The following CTBP2 variants were observed in gnomAD, a reference collection of about 807,000 sequenced individuals.
The protein encoded by CTBP2 is C-terminal-binding protein 2.
Under a neutral mutation model 80.3 loss-of-function variants are expected in CTBP2, and 30 were observed. The ratio of observed to expected loss-of-function variants is 0.37; its 90% CI spans 0.28 to 0.51. The LOEUF (loss-of-function observed/expected upper bound fraction) is 0.51. Among genes scored for constraint, CTBP2 ranks in the 20% least tolerant of loss-of-function variants. The pLI, the probability that CTBP2 is intolerant of heterozygous loss-of-function variation, is 0.93. For missense variants in CTBP2, 1,212 were observed against 1,375.3 expected, an observed-to-expected ratio of 0.88 and a Z score of 1.88; for synonymous variants, 594 against 587.4, an observed-to-expected ratio of 1.01 and a Z score of -0.16.
intron 2 of CTBP2, among the ~76,000 whole-genome samples, chr10:125,063,703 T>A (rs892522291): frequency 6.6e-6 from 1 of 152,246 alleles, no homozygotes; most frequent in Non-Finnish European, 1.5e-5. Context: ...GTTATTGCTG[T>A]GTTTTCTCTC....
chr10:125,041,625 G>A (rs1029628689), intron 2 of CTBP2, among the ~76,000 whole-genome samples: 10 of 151,014 alleles, frequency 6.6e-5, no homozygotes, highest in African/African-American at 2.2e-4. Flanking sequence ...GCCCCTCCTT[G>A]ACTCTGTTGT....
intron 1 of CTBP2, among the ~76,000 whole-genome samples, chr10:125,115,895 C>G (rs1853176543): frequency 6.6e-6 from 1 of 152,202 alleles, no homozygotes; most frequent in African/African-American, 2.4e-5. Context: ...GGCATGGTAG[C>G]AGGTCAGAGT....
At chr10:125,136,239 AG>A (rs1222780544) in intron 1 of CTBP2, among the ~76,000 whole-genome samples, 2 of 152,166 alleles carry the variant, frequency 1.3e-5, no homozygotes, top group East Asian at 1.9e-4. Context: ...AGGGAGGCCC[AG>A]GCTGGCCCCT....
At chr10:125,146,470 C>T (rs1277998446) in intron 1 of CTBP2, among the ~76,000 whole-genome samples, 1 of 150,442 alleles carries the variant, frequency 6.6e-6, no homozygotes, top group Non-Finnish European at 1.5e-5. Flanking sequence ...TTAGTAGAGA[C>T]AGGGTTTTTG....
At position 125,098,754 on chromosome 10, in the gene CTBP2, G is replaced by C. The variant is rs968822349; in HGVS notation, c.-102+12236C>G. On this transcript the variant is annotated intron_variant, in intron 2 of 10. Transcript: ENST00000337195. ...AGAGAGAGAGAGAGAGAGAGACAGA[G>C]AGAGAGAGAGAGAGAGAGAGAGAGA... is the stretch of plus-strand genomic sequence containing the variant. Among the ~76,000 whole-genome samples, 96 of 126,422 alleles carry C rather than the reference G, an allele frequency of 7.6e-4. 2 individuals are homozygous for C. Among genetic ancestry groups the C allele is most frequent in the African/African-American group, 2.4e-3 (74 of 31,474 alleles). 82.9% of individuals were successfully genotyped at this position (126,422 alleles called of 152,430 possible).
At chr10:125,153,945 G>T (rs1860467268) in intron 1 of CTBP2, among the ~76,000 whole-genome samples, 1 of 151,966 alleles carries the variant, frequency 6.6e-6, no homozygotes, top group African/African-American at 2.4e-5. Context: ...TGTGCTGCAG[G>T]AAGACCTACA....
intron 3 of CTBP2, among the ~76,000 whole-genome samples, chr10:125,034,475 A>G (rs1958631858): frequency 6.6e-6 from 1 of 152,252 alleles, no homozygotes; most frequent in Non-Finnish European, 1.5e-5. Flanking sequence ...GTATATTTAC[A>G]TAGCTAATGT....
chr10:124,992,406 C>G (rs1490032837), intron 8 of CTBP2, among the ~76,000 whole-genome samples: 1 of 151,966 alleles, frequency 6.6e-6, no homozygotes, highest in Admixed American at 6.6e-5. Flanking sequence ...GACTGGGAAG[C>G]CTTCTGGTTT....
intron 1 of CTBP2, among the ~76,000 whole-genome samples, chr10:125,154,372 C>A (rs1860546588): frequency 6.6e-6 from 1 of 152,178 alleles, no homozygotes; most frequent in Admixed American, 6.5e-5. Flanking sequence ...GGTTCCCATC[C>A]TTTAAACACC....
intron 1 of CTBP2, among the ~76,000 whole-genome samples, chr10:125,128,365 A>T (rs578029145): frequency 1.3e-5 from 2 of 152,272 alleles, no homozygotes; most frequent in East Asian, 3.9e-4. Context: ...TTCATCAGAG[A>T]GCATGGTATT....
intron 1 of CTBP2, among the ~76,000 whole-genome samples, chr10:125,119,477 A>T (rs1429970150): frequency 6.6e-6 from 1 of 152,244 alleles, no homozygotes; most frequent in Non-Finnish European, 1.5e-5. Flanking sequence ...CTGTACAGGG[A>T]TATGTCAGAC....
intron 1 of CTBP2, among the ~76,000 whole-genome samples, chr10:125,006,505 G>A (rs1019543365): frequency 1.3e-5 from 2 of 152,198 alleles, no homozygotes; most frequent in African/African-American, 4.8e-5. Flanking sequence ...CAGAGAATCT[G>A]GACTGAAATT....
chr10:125,125,826 A>G (rs961227723), intron 1 of CTBP2, among the ~76,000 whole-genome samples: 2 of 152,254 alleles, frequency 1.3e-5, no homozygotes, highest in African/African-American at 2.4e-5. Flanking sequence ...AGGGAGCCAT[A>G]GCTCAGGGGC....
At chr10:124,998,465 G>T in intron 3 of CTBP2, 1 of 443,412 alleles carries the variant, frequency 2.3e-6, no homozygotes, top group Non-Finnish European at 4.2e-6. Context: ...GCTTCCTCCT[G>T]GGCTTGCACT....
At chr10:125,131,727 CCA>C (rs1856225053) in intron 1 of CTBP2, among the ~76,000 whole-genome samples, 1 of 152,206 alleles carries the variant, frequency 6.6e-6, no homozygotes, top group African/African-American at 2.4e-5. Flanking sequence ...CAACTCTGCT[CCA>C]CAGAGTGATT....
At chr10:125,139,898 C>T (rs1346269719) in intron 1 of CTBP2, among the ~76,000 whole-genome samples, 1 of 152,150 alleles carries the variant, frequency 6.6e-6, no homozygotes, top group Non-Finnish European at 1.5e-5. Flanking sequence ...ATCACCTTTC[C>T]AGACAGTAAA....
chr10:125,028,561 A>G (rs3012068), upstream of CTBP2, among the ~76,000 whole-genome samples: 148,591 of 152,354 alleles, frequency 0.98, 72,496 homozygotes, highest in Admixed American at 0.98. Context: ...TGAATCAAAC[A>G]GGTTTCCGAG....
intron 2 of CTBP2, among the ~76,000 whole-genome samples, chr10:125,072,331 G>A (rs1460980920): frequency 6.6e-6 from 1 of 151,888 alleles, no homozygotes; most frequent in Non-Finnish European, 1.5e-5. Context: ...GGAAATTGAC[G>A]AAGCTGGGTG....
chr10:125,028,597 T>TA (rs1957887258), upstream of CTBP2, among the ~76,000 whole-genome samples: 1 of 152,236 alleles, frequency 6.6e-6, no homozygotes, highest in South Asian at 2.1e-4. Flanking sequence ...ATTCTTTACC[T>TA]TATTACTGTG....
Sources: gnomAD v4.1 joint callset for allele counts (sites outside exome capture counted in the v4.1 genomes callset) on GRCh38, gnomAD v4.1.1 for gene constraint, MANE v1.5 for transcripts, NCBI Gene and HGNC (gene_info 2026-07-23, HGNC 2026-07-21) for gene names.